Variants in DGKG observed in about 807,000 individuals in gnomAD.
The protein encoded by DGKG is DAG kinase gamma.
A neutral mutation model predicts 105.3 loss-of-function variants in DGKG; 78 were observed. That is an observed-to-expected ratio of 0.74 (90% CI 0.62 to 0.89). The LOEUF (loss-of-function observed/expected upper bound fraction) is 0.89, where lower values mean the gene tolerates loss of function less well. Ranked by LOEUF, DGKG falls within the 40% of genes least tolerant of loss-of-function variation. DGKG has a pLI of 0.00. For missense variants in DGKG, 958 were observed against 1,020.1 expected (o/e 0.94, Z 0.83); for synonymous variants, 346 against 367.1 (o/e 0.94, Z 0.66).
rs147788115 is a variant in DGKG at position 186,221,868 on chromosome 3, C to T, written c.1827-9983G>A. Among the ~76,000 whole-genome samples the T allele has an allele frequency of 1.2e-3, 185 of 152,300 alleles. 2 individuals carry two copies. Among genetic ancestry groups the T allele is most frequent in the African/African-American group, 4.2e-3 (173 of 41,558 alleles). On this transcript the variant is annotated intron_variant, in intron 20 of 24. Coordinates refer to ENST00000265022, the MANE Select transcript of DGKG (RefSeq NM_001346.3). ...GTCCACACCCTCACACTACCGTGAC[C>T]GCCGGGTGGGTCCTGAGGGAGCCAG...
intron 5 of DGKG, among the ~76,000 whole-genome samples, chr3:186,295,707 G>T (rs113059521): frequency 1.6e-4 from 24 of 146,700 alleles, no homozygotes; most frequent in African/African-American, 6.0e-4. Context: ...GGAACAACCT[G>T]GGAGAAAGAA....
At position 186,298,122 on chromosome 3, in the gene DGKG, T is replaced by C. The variant is rs941762542; in HGVS notation, c.252A>G (p.Arg84=). 6.2e-7 allele frequency: 1 copy of C among 1,614,002 alleles called. No homozygotes were observed. The highest frequency in any genetic ancestry group is 8.5e-7 in the Non-Finnish European group (1 of 1,180,014). Residue 84 remains arginine (R), a synonymous_variant, in exon 4 of 25, where the codon AGA becomes AGG. Coordinates refer to ENST00000265022, the MANE Select transcript of DGKG (RefSeq NM_001346.3). ...CCGTCGGGTGGTCAGAGGTCTCGTG[T>C]CTGGGCTTCTGGCTGAAGGCCAGGA... The part of the protein sequence containing the change: ...HLFLAFSQKP[R]HETSDHPTEG...
chr3:186,272,202 A>C (rs995123765), intron 11 of DGKG, 53 bp downstream of exon 11: 8 of 1,375,986 alleles, frequency 5.8e-6, no homozygotes, highest in Admixed American at 5.1e-5. Flanking sequence ...ATGTTGATGG[A>C]CATGTTTCCT....
chr3:186,242,637 C>A (rs375484830), intron 19 of DGKG, 69 bp from the exon 20 acceptor site: 2 of 1,347,926 alleles, frequency 1.5e-6, no homozygotes, highest in Middle Eastern at 1.9e-4. Flanking sequence ...AGGGAAGGGA[C>A]GCACGCATGC....
At chr3:186,165,631 A>G (rs1716504806) in intron 22 of DGKG, among the ~76,000 whole-genome samples, 1 of 152,236 alleles carries the variant, frequency 6.6e-6, no homozygotes, top group African/African-American at 2.4e-5. Context: ...CTGTGAGCCC[A>G]CAGTAGAAAA....
chr3:186,190,635 C>A (rs1190668675), intron 21 of DGKG, among the ~76,000 whole-genome samples: 3 of 152,124 alleles, frequency 2.0e-5, no homozygotes, highest in African/African-American at 7.2e-5. Flanking sequence ...TATTTTTCAT[C>A]CAGTTCTTCG....
At chr3:186,332,866 T>C (rs1725664702) in intron 1 of DGKG, among the ~76,000 whole-genome samples, 1 of 152,092 alleles carries the variant, frequency 6.6e-6, no homozygotes, top group Non-Finnish European at 1.5e-5. Flanking sequence ...CATGGATTAA[T>C]GGTCTATCAT....
At chr3:186,250,170 G>A (rs1721139296) in intron 19 of DGKG, among the ~76,000 whole-genome samples, 1 of 152,176 alleles carries the variant, frequency 6.6e-6, no homozygotes, top group South Asian at 2.1e-4. Flanking sequence ...AATGATACCT[G>A]CAGGACTACT....
intron 1 of DGKG, among the ~76,000 whole-genome samples, chr3:186,348,012 T>C (rs546893549): frequency 3.7e-4 from 56 of 152,360 alleles, no homozygotes; most frequent in African/African-American, 1.3e-3. Flanking sequence ...ACCTGTATTT[T>C]TCTGTGTTCA....
chr3:186,277,039 G>A lies in DGKG; in HGVS notation c.793-1375C>T, dbSNP rs538114577. On this transcript the variant is annotated intron_variant, in intron 9 of 24. Transcript: ENST00000265022. ...TTTTCTTCTCATTACCTCAAACCCTGCTTCTTCCAGGACATGAGTTTTATA... is the reference window on the plus strand; with the variant it reads ...TTTTCTTCTCATTACCTCAAACCCTACTTCTTCCAGGACATGAGTTTTATA... 4.6e-5 allele frequency among the ~76,000 whole-genome samples: 7 copies of A among 152,186 alleles called. No homozygotes were observed. The East Asian group carries it at 5.8e-4, about 13-fold the overall frequency.
At chr3:186,303,282 C>A (rs1295295399) in intron 3 of DGKG, among the ~76,000 whole-genome samples, 14 of 152,254 alleles carry the variant, frequency 9.2e-5, no homozygotes, top group Admixed American at 5.9e-4. Context: ...GGGTCATGCC[C>A]AAACCAGATG....
At chr3:186,213,595 G>C (rs1179498234) in intron 20 of DGKG, among the ~76,000 whole-genome samples, 1 of 152,196 alleles carries the variant, frequency 6.6e-6, no homozygotes, top group Non-Finnish European at 1.5e-5. Flanking sequence ...AGGGGATACT[G>C]TGAGTCATGT....
At chr3:186,292,327 T>C (rs1313399698) in intron 5 of DGKG, among the ~76,000 whole-genome samples, 7 of 152,184 alleles carry the variant, frequency 4.6e-5, no homozygotes, top group East Asian at 1.9e-4. Context: ...TTGTGTGTGA[T>C]TTAACACACA....
chr3:186,353,828 C>T (rs917446487), intron 1 of DGKG, among the ~76,000 whole-genome samples: 11 of 152,014 alleles, frequency 7.2e-5, no homozygotes, highest in African/African-American at 2.4e-4. Context: ...ATTGGTTAAA[C>T]GATGGAGCAT....
chr3:186,289,359 G>C (rs1352701890), intron 5 of DGKG, among the ~76,000 whole-genome samples: 1 of 152,190 alleles, frequency 6.6e-6, no homozygotes, highest in East Asian at 1.9e-4. Context: ...AACCGGGATT[G>C]ATAATTAACG....
At chr3:186,215,295 C>T (rs1396541479) in intron 20 of DGKG, among the ~76,000 whole-genome samples, 1 of 151,684 alleles carries the variant, frequency 6.6e-6, no homozygotes, top group East Asian at 1.9e-4. Context: ...CTGGTAATCC[C>T]AGCGGCTTGG....
At chr3:186,158,755 C>T in intron 24 of DGKG, 4 of 960,684 alleles carry the variant, frequency 4.2e-6, no homozygotes, top group Non-Finnish European at 5.0e-6. Context: ...TCAACCTTTT[C>T]TCAGAATATG....
intron 24 of DGKG, chr3:186,159,498 A>AT (rs1250848163): frequency 5.3e-5 from 8 of 152,096 alleles, no homozygotes; most frequent in East Asian, 1.9e-4. Context: ...TCAAAGAATG[A>AT]TTTTTTGCCA....
intron 5 of DGKG, among the ~76,000 whole-genome samples, chr3:186,291,122 G>A (rs1420595076): frequency 3.3e-5 from 5 of 152,296 alleles, no homozygotes; most frequent in South Asian, 2.1e-4. Context: ...ACAAAGCTCA[G>A]GACTTTGTAG....
Sources: allele counts gnomAD v4.1 joint callset (sites outside exome capture counted in the v4.1 genomes callset), GRCh38; gene constraint gnomAD v4.1.1; transcripts MANE v1.5; gene names NCBI Gene and HGNC (gene_info 2026-07-23, HGNC 2026-07-21).